PPP3CA: variants seen among roughly 807,000 people sequenced by gnomAD.
PPP3CA encodes the protein CAM-PRP catalytic subunit.
In PPP3CA, 14 loss-of-function variants were observed where a neutral mutation model predicts 66.5. That is an observed-to-expected ratio of 0.21 (90% CI 0.14 to 0.33). PPP3CA has a LOEUF of 0.33. Ranked by LOEUF, PPP3CA falls within the 10% of genes least tolerant of loss-of-function variation. PPP3CA has a pLI of 1.00. For synonymous variants in PPP3CA, 232 were observed against 226.2 expected, an observed-to-expected ratio of 1.03 and a Z score of -0.23; for missense variants, 317 against 639.5, an observed-to-expected ratio of 0.50 and a Z score of 5.44.
At chr4:101,276,818 A>G (rs1727507789) in intron 1 of PPP3CA, among the ~76,000 whole-genome samples, 1 of 152,200 alleles carries the variant, frequency 6.6e-6, no homozygotes, top group Non-Finnish European at 1.5e-5. Context: ...CTATGTTAAC[A>G]TCTTGCATTA....
intron 5 of PPP3CA, among the ~76,000 whole-genome samples, chr4:101,096,980 C>G (rs1412308913): frequency 1.3e-5 from 2 of 152,102 alleles, no homozygotes; most frequent in Non-Finnish European, 2.9e-5. Context: ...ATCAATCAAA[C>G]AAGTGACACC....
At chr4:101,242,898 G>A (rs1417273953) in intron 1 of PPP3CA, among the ~76,000 whole-genome samples, 2 of 152,162 alleles carry the variant, frequency 1.3e-5, no homozygotes, top group African/African-American at 4.8e-5. Flanking sequence ...CTGCACTCCA[G>A]CCTAGGTAAC....
At position 101,316,440 on chromosome 4, in the gene PPP3CA, A is replaced by G. The variant is rs148202012; in HGVS notation, c.58+30299T>C. Among the ~76,000 whole-genome samples the G allele has an allele frequency of 3.0e-3, 450 of 152,254 alleles. 4 individuals carry two copies. The highest frequency in any genetic ancestry group is 0.01 in the African/African-American group (427 of 41,530). ...TTTACATTTTAGGAAACTATTTTCA[A>G]CATTTACATTATAAAGAATTACTGT... On this transcript the variant is annotated intron_variant, in intron 1 of 13. Transcript: ENST00000394854.
chr4:101,304,694 GT>G (rs1455019482), intron 1 of PPP3CA, among the ~76,000 whole-genome samples: 1 of 151,976 alleles, frequency 6.6e-6, no homozygotes, highest in Non-Finnish European at 1.5e-5. Context: ...TATCTAATAG[GT>G]TTTAATGTAA....
chr4:101,029,347 TAAAAAAAAAAAAAA>T (rs34620032), intron 12 of PPP3CA, 152 bp from the exon 13 acceptor site: 2 of 79,464 alleles, frequency 2.5e-5, no homozygotes, highest in Non-Finnish European at 4.2e-5. Context: ...ACAGAAATGC[TAAAAAAAAAAAAAA>T]AAAAAAAAAA....
intron 2 of PPP3CA, 82 bp downstream of exon 2, chr4:101,195,834 A>G: frequency 8.2e-7 from 1 of 1,214,764 alleles, no homozygotes; most frequent in Non-Finnish European, 1.2e-6. Flanking sequence ...TTGAAGACTC[A>G]CTGGTAACTA....
intron 2 of PPP3CA, among the ~76,000 whole-genome samples, chr4:101,128,019 T>C (rs1222750192): frequency 6.6e-6 from 1 of 152,196 alleles, no homozygotes; most frequent in Non-Finnish European, 1.5e-5. Context: ...ACATCTCTGA[T>C]GTACATATAG....
At chr4:101,029,227 G>A (rs1726807434) in intron 12 of PPP3CA, 32 bp from the exon 13 acceptor site, 2 of 1,576,964 alleles carry the variant, frequency 1.3e-6, no homozygotes, top group East Asian at 2.3e-5. Flanking sequence ...CAAAATGAAT[G>A]AGAAAAATGA....
intron 2 of PPP3CA, among the ~76,000 whole-genome samples, chr4:101,170,500 A>C (rs1379877791): frequency 1.3e-5 from 2 of 152,148 alleles, no homozygotes; most frequent in Non-Finnish European, 2.9e-5. Flanking sequence ...AAATAAATGG[A>C]ATTTAACTAA....
chr4:101,155,726 A>C (rs745628985), intron 2 of PPP3CA, among the ~76,000 whole-genome samples: 7 of 152,244 alleles, frequency 4.6e-5, no homozygotes, highest in Non-Finnish European at 8.8e-5. Flanking sequence ...ACTTCAGTGC[A>C]CTAACTACAT....
At chr4:101,335,657 A>G (rs908081419) in intron 1 of PPP3CA, among the ~76,000 whole-genome samples, 2 of 152,202 alleles carry the variant, frequency 1.3e-5, no homozygotes, top group Non-Finnish European at 2.9e-5. Flanking sequence ...AACTAAGAGC[A>G]TCATGACTGG....
intron 1 of PPP3CA, among the ~76,000 whole-genome samples, chr4:101,303,929 T>G (rs899778539): frequency 6.6e-6 from 1 of 152,206 alleles, no homozygotes; most frequent in African/African-American, 2.4e-5. Context: ...CTGGTCAAAC[T>G]TGCAATTTGT....
intron 1 of PPP3CA, among the ~76,000 whole-genome samples, chr4:101,221,820 TCAAGAAACAAAATACTCTTCCCTCTAAA>T (rs1725634309): frequency 6.6e-6 from 1 of 151,574 alleles, no homozygotes; most frequent in African/African-American, 2.4e-5. Flanking sequence ...CTTTTCTGTT[TCAAGAAACAAAATACTCTTCCCTCTAAA>T]AGAAATGTAT....
rs117906566 is a variant in PPP3CA at position 101,252,128 on chromosome 4, G to A, written c.59-56012C>T. Among the ~76,000 whole-genome samples the A allele has an allele frequency of 3.2e-3, 492 of 152,260 alleles. 4 individuals are homozygous for A. Among genetic ancestry groups the A allele is most frequent in the Middle Eastern group, 0.02 (6 of 294 alleles). ...TCTCCAATTTCCAGATAAAGAAAGCGAGGTTTGAAGAGCCTGCCTACATGT... is the reference window on the plus strand; with the variant it reads ...TCTCCAATTTCCAGATAAAGAAAGCAAGGTTTGAAGAGCCTGCCTACATGT... On this transcript the variant is annotated intron_variant, in intron 1 of 13. Transcript: ENST00000394854.
intron 1 of PPP3CA, among the ~76,000 whole-genome samples, chr4:101,207,410 G>A (rs1189626591): frequency 6.6e-6 from 1 of 152,154 alleles, no homozygotes; most frequent in Non-Finnish European, 1.5e-5. Flanking sequence ...AGTAGTTCAG[G>A]GGGACAAAGG....
chr4:101,117,298 A>T (rs1374301117), intron 2 of PPP3CA, among the ~76,000 whole-genome samples: 3 of 151,938 alleles, frequency 2.0e-5, no homozygotes, highest in Non-Finnish European at 4.4e-5. Context: ...AATAGTCTAC[A>T]TGTTAAAAAC....
At chr4:101,028,678 T>C (rs959127690) in intron 13 of PPP3CA, among the ~76,000 whole-genome samples, 5 of 152,224 alleles carry the variant, frequency 3.3e-5, no homozygotes, top group African/African-American at 1.2e-4. Context: ...GTTGGAATAT[T>C]TTTTAGAGAT....
At chr4:101,334,378 A>G (rs1199559050) in intron 1 of PPP3CA, among the ~76,000 whole-genome samples, 1 of 151,990 alleles carries the variant, frequency 6.6e-6, no homozygotes, top group African/African-American at 2.4e-5. Context: ...CAGGAGATCC[A>G]CCCACCCGGC....
At chr4:101,326,353 G>C (rs1729208617) in intron 1 of PPP3CA, among the ~76,000 whole-genome samples, 1 of 152,128 alleles carries the variant, frequency 6.6e-6, no homozygotes, top group African/African-American at 2.4e-5. Flanking sequence ...ACAGACTTCA[G>C]AACAGATTTC....
Sources: gnomAD v4.1 joint callset for allele counts (sites outside exome capture counted in the v4.1 genomes callset) on GRCh38, gnomAD v4.1.1 for gene constraint, MANE v1.5 for transcripts, NCBI Gene and HGNC (gene_info 2026-07-23, HGNC 2026-07-21) for gene names.